The following PWWP2B variants were observed in gnomAD, a reference collection of about 807,000 sequenced individuals.
PWWP2B encodes the protein PWWP domain containing 2B.
PWWP2B carries 9 observed loss-of-function variants against 15.5 expected under a neutral mutation model. That is an observed-to-expected ratio of 0.58 (90% confidence interval 0.35 to 1.02). The LOEUF (loss-of-function observed/expected upper bound fraction) is 1.02. Ranked by LOEUF, PWWP2B falls within the 50% of genes least tolerant of loss-of-function variation. The probability of loss-of-function intolerance (pLI) is 0.02; values close to 1 mark genes in which losing one functional copy is unlikely to be tolerated. For missense variants in PWWP2B, 864 were observed against 865.3 expected, an observed-to-expected ratio of 1.00 and a Z score of 0.02; for synonymous variants, 474 against 403.6, an observed-to-expected ratio of 1.17 and a Z score of -2.09.
At chr10:132,403,395 G>A (rs551358287) in intron 1 of PWWP2B, among the ~76,000 whole-genome samples, 3 of 152,370 alleles carry the variant, frequency 2.0e-5, no homozygotes, top group African/African-American at 7.2e-5. Context: ...TTTGTTACCA[G>A]TTACGCGTGT....
rs770623151 is a variant in PWWP2B at position 132,405,145 on chromosome 10, G to A, written c.645G>A (p.Pro215=). The A allele has an allele frequency of 2.8e-5, 43 of 1,545,582 alleles. No homozygotes were observed. The highest frequency in any genetic ancestry group is 2.4e-4 in the South Asian group (20 of 84,158). The change falls in exon 2 of 3, where the codon CCG becomes CCA. Residue 215 remains proline, a synonymous_variant. Coordinates refer to ENST00000305233, the MANE Select transcript of PWWP2B (RefSeq NM_138499.4). ...GSGPDRELRK[P]EEPENGEPTA... is the part of the protein sequence containing the mutation. ...GCCCGGACAGGGAGCTCCGCAAGCCGGAGGAGCCGGAGAACGGCGAGCCCA... is the reference window on the plus strand; with the variant it reads ...GCCCGGACAGGGAGCTCCGCAAGCCAGAGGAGCCGGAGAACGGCGAGCCCA...
Position 132,404,728 on chromosome 10 carries a change from G to C in PWWP2B, c.228G>C (p.Glu76Asp), listed in dbSNP as rs1378989400. The change falls in exon 2 of 3, where the codon GAG (glutamate) becomes GAC (aspartate). Residue 76 changes from glutamate (E) to aspartate (D), a missense_variant. Transcript: ENST00000305233. ...HGRAPEEGDA[E>D]VMQLGSSSPP... ...GGGCTCCCGAGGAGGGGGATGCAGA[G>C]GTGATGCAGCTGGGGTCCAGCTCCC... The C allele has an allele frequency of 1.2e-6, 2 of 1,610,528 alleles. No individual in the cohort carries two copies. Among genetic ancestry groups the C allele is most frequent in the Non-Finnish European group, 1.7e-6 (2 of 1,179,184 alleles).
Position 132,405,026 on chromosome 10 carries a change from G to C in PWWP2B, c.526G>C (p.Val176Leu). ...CACCATCCGCCTGCGGCCGCGCCAG[G>C]TGCTCTGTGAGAAGTGCAAGAGCAC... The part of the protein sequence containing the change: ...LSTIRLRPRQ[V>L]LCEKCKSTLS... The change falls in exon 2 of 3, where the codon GTG becomes CTG. Residue 176 changes from valine (V) to leucine (L), a missense_variant. Transcript: ENST00000305233. 6.5e-7 allele frequency: 1 copy of C among 1,528,712 alleles called. No homozygotes were observed. Among genetic ancestry groups the C allele is most frequent in the Non-Finnish European group, 8.8e-7 (1 of 1,142,140 alleles). 94.7% of individuals were successfully genotyped at this position (1,528,712 alleles called of 1,614,324 possible).
chr10:132,404,153 G>A (rs1480361166), intron 1 of PWWP2B, among the ~76,000 whole-genome samples: 1 of 152,112 alleles, frequency 6.6e-6, no homozygotes, highest in African/African-American at 2.4e-5. Flanking sequence ...GGCCCTAGGG[G>A]TTGTCTTCCC....
chr10:132,401,839 C>T (rs894341860), intron 1 of PWWP2B, among the ~76,000 whole-genome samples: 2 of 152,250 alleles, frequency 1.3e-5, no homozygotes, highest in African/African-American at 4.8e-5. Flanking sequence ...GAGCCGAGGT[C>T]CCAGCAGCCT....
At chr10:132,398,371 G>A (rs887815527) in intron 1 of PWWP2B, among the ~76,000 whole-genome samples, 13 of 152,244 alleles carry the variant, frequency 8.5e-5, no homozygotes, top group Non-Finnish European at 1.8e-4. Context: ...GTGGGCTACC[G>A]CTGGGAGTGC....
chr10:132,414,700 T>C (rs1215690416), intron 2 of PWWP2B, among the ~76,000 whole-genome samples: 1 of 152,214 alleles, frequency 6.6e-6, no homozygotes, highest in African/African-American at 2.4e-5. Context: ...AGATGGTATT[T>C]GTAGGAATGC....
chr10:132,416,867 C>G (rs758800128), intron 2 of PWWP2B, among the ~76,000 whole-genome samples, 194 bp from the exon 3 acceptor site: 1 of 152,110 alleles, frequency 6.6e-6, no homozygotes, highest in Non-Finnish European at 1.5e-5. Flanking sequence ...ATGGAAGACC[C>G]TGCACTCTCT....
At chr10:132,407,324 A>T (rs924812405) in intron 2 of PWWP2B, among the ~76,000 whole-genome samples, 3 of 151,928 alleles carry the variant, frequency 2.0e-5, no homozygotes, top group African/African-American at 4.8e-5. Context: ...TGGCCTAACC[A>T]CCCCATGGAT....
In PWWP2B at chr10:132,405,771, G is replaced by A; in HGVS notation, c.1271G>A (p.Ser424Asn). The A allele has an allele frequency of 1.9e-6, 3 of 1,607,134 alleles. No homozygotes were observed. The highest frequency in any genetic ancestry group is 2.5e-6 in the Non-Finnish European group (3 of 1,179,796). The change falls in exon 2 of 3, where the codon AGC (serine) becomes AAC (asparagine). Residue 424 changes from serine (S) to asparagine (N), a missense_variant. Coordinates refer to ENST00000305233, the MANE Select transcript of PWWP2B (RefSeq NM_138499.4). ...RADCASESACSSDSLDEARSS... is the reference protein window; with the variant it reads ...RADCASESACNSDSLDEARSS... Reference sequence around the variant, plus strand: ...GACTGTGCCAGTGAGTCGGCGTGCAGCAGCGACAGCCTGGACGAGGCCAGA... The same window carrying A: ...GACTGTGCCAGTGAGTCGGCGTGCAACAGCGACAGCCTGGACGAGGCCAGA...
intron 1 of PWWP2B, among the ~76,000 whole-genome samples, chr10:132,399,061 A>T (rs1023218917): frequency 2.3e-5 from 2 of 85,570 alleles, no homozygotes; most frequent in Non-Finnish European, 4.8e-5. Context: ...CCCCTCCCTC[A>T]TCTCCCCTGA....
At chr10:132,397,622 C>T (rs1210898759) in intron 1 of PWWP2B, among the ~76,000 whole-genome samples, 1 of 151,912 alleles carries the variant, frequency 6.6e-6, no homozygotes, top group Non-Finnish European at 1.5e-5. Context: ...CCCGGAACTC[C>T]ACACATCTGC....
Position 132,397,253 on chromosome 10 carries a change from G to A in PWWP2B, c.27G>A (p.Leu9=). 1.5e-6 allele frequency: 2 copies of A among 1,297,760 alleles called. No homozygotes were observed. Among genetic ancestry groups the A allele is most frequent in the Non-Finnish European group, 2.0e-6 (2 of 1,014,670 alleles). The allele number at this position is 1,297,760 out of a possible 1,614,324, so 80.4% of individuals were successfully genotyped here. A position where few individuals can be genotyped will look rare whatever the true frequency, so the allele number is the denominator to read the frequency against. The change falls in exon 1 of 3, where the codon CTG becomes CTA. Residue 9 remains leucine, a synonymous_variant. Transcript: ENST00000305233. ...TGGAGCCGCGCGCCGGCTGCCGGCTGCCGGTGCGGGTGGAGCAGGTCGTCA... is the reference window on the plus strand; with the variant it reads ...TGGAGCCGCGCGCCGGCTGCCGGCTACCGGTGCGGGTGGAGCAGGTCGTCA... MEPRAGCR[L]PVRVEQVVNG...
intron 2 of PWWP2B, among the ~76,000 whole-genome samples, chr10:132,413,519 T>A (rs2069808651): frequency 1.3e-5 from 2 of 152,236 alleles, no homozygotes; most frequent in South Asian, 4.1e-4. Flanking sequence ...CAGAACACAC[T>A]TAAGCATCTT....
intron 2 of PWWP2B, among the ~76,000 whole-genome samples, chr10:132,412,348 C>A (rs1231536081): frequency 1.3e-5 from 2 of 152,222 alleles, no homozygotes; most frequent in East Asian, 3.9e-4. Context: ...GCTCCAAATC[C>A]TTGCCCCTGA....
chr10:132,399,338 G>A (rs1017124646), intron 1 of PWWP2B, among the ~76,000 whole-genome samples: 7 of 152,370 alleles, frequency 4.6e-5, no homozygotes, highest in Admixed American at 6.5e-5. Flanking sequence ...CACAACCGGC[G>A]CTGTTGAGCG....
At chr10:132,408,201 T>A (rs567763077) in intron 2 of PWWP2B, among the ~76,000 whole-genome samples, 2 of 152,236 alleles carry the variant, frequency 1.3e-5, no homozygotes, top group Non-Finnish European at 2.9e-5. Flanking sequence ...GAGTGGTGTG[T>A]GCCTGGTTGG....
intron 2 of PWWP2B, among the ~76,000 whole-genome samples, chr10:132,407,542 G>C (rs115864150): frequency 6.6e-6 from 1 of 152,200 alleles, no homozygotes; most frequent in Non-Finnish European, 1.5e-5. Flanking sequence ...TTGGGGTTCC[G>C]GCGGAAGCAG....
chr10:132,415,776 G>A (rs1219164562), intron 2 of PWWP2B, among the ~76,000 whole-genome samples: 1 of 152,046 alleles, frequency 6.6e-6, no homozygotes, highest in Non-Finnish European at 1.5e-5. Context: ...CTCAAGACTT[G>A]GTGTTTATGT....
Sources: allele counts gnomAD v4.1 joint callset (sites outside exome capture counted in the v4.1 genomes callset), GRCh38; gene constraint gnomAD v4.1.1; transcripts MANE v1.5; gene names NCBI Gene and HGNC (gene_info 2026-07-23, HGNC 2026-07-21).